The following ITGB1 variants were observed in gnomAD, a reference collection of about 807,000 sequenced individuals.
The protein encoded by ITGB1 is integrin beta-1.
Under a neutral mutation model 86.5 loss-of-function variants are expected in ITGB1, and 24 were observed. The observed-to-expected ratio is 0.28, with a 90% confidence interval of 0.20 to 0.39. The LOEUF is 0.39. Ranked by LOEUF, ITGB1 falls within the 10% of genes least tolerant of loss-of-function variation. The probability of loss-of-function intolerance (pLI) is 1.00; values close to 1 mark genes in which losing one functional copy is unlikely to be tolerated. For missense variants in ITGB1, 556 were observed against 946.9 expected (o/e 0.59, Z 5.42); for synonymous variants, 323 against 316.8 (o/e 1.02, Z -0.21).
rs532744255 is a variant in ITGB1, at chr10:32,939,577, G to A, written c.1-4019C>T. 2.5e-4 allele frequency among the ~76,000 whole-genome samples: 38 copies of A among 152,332 alleles called. 1 individual carries two copies. In the South Asian group the frequency reaches 7.5e-3, roughly 30 times the overall value. The stretch of plus-strand genomic sequence containing the variant: ...TACTGCAGGCAACTGGAATGCTGCA[G>A]TAAGCATGTGTGTATCTACGCACAG... On this transcript the variant is annotated intron_variant, in intron 1 of 15. Transcript: ENST00000302278.
intron 1 of ITGB1, among the ~76,000 whole-genome samples, chr10:32,957,479 G>C (rs976753486): frequency 6.6e-6 from 1 of 152,132 alleles, no homozygotes; most frequent in East Asian, 1.9e-4. Flanking sequence ...TTATAAACAC[G>C]GGGAAGTGGA....
intron 14 of ITGB1, 25 bp from the exon 15 acceptor site, chr10:32,908,559 A>C (rs1565818648): frequency 6.2e-7 from 1 of 1,603,742 alleles, no homozygotes; most frequent in Admixed American, 1.7e-5. Flanking sequence ...GGTAATAATG[A>C]GCACCACAAA....
At chr10:32,904,531 A>G (rs1324195130) in intron 15 of ITGB1, among the ~76,000 whole-genome samples, 2 of 152,232 alleles carry the variant, frequency 1.3e-5, no homozygotes, top group Non-Finnish European at 2.9e-5. Flanking sequence ...TGATAATGTG[A>G]CATGTTCTTC....
intron 9 of ITGB1, 47 bp from the exon 10 acceptor site, chr10:32,920,432 A>G: frequency 1.3e-6 from 2 of 1,561,060 alleles, no homozygotes; most frequent in Non-Finnish European, 1.8e-6. Flanking sequence ...ACAAAATGCT[A>G]CTTGAATGCA....
In ITGB1 at chr10:32,930,015, A is replaced by G; in HGVS notation, c.183T>C (p.Ser61=). ...STFLQEGMPT[S]ARCDDLEALK... The stretch of plus-strand genomic sequence containing the variant: ...AGGCTTCTAAATCATCACATCGTGC[A>G]GAAGTAGGCATTCCTTCCTGTAAAA... Residue 61 remains serine, a synonymous_variant, in exon 4 of 16, where the codon TCT becomes TCC. Coordinates refer to ENST00000302278, the MANE Select transcript of ITGB1 (RefSeq NM_002211.4). The G allele has an allele frequency of 1.1e-6, 1 of 919,484 alleles. No individual in the cohort carries two copies. Among genetic ancestry groups the G allele is most frequent in the Non-Finnish European group, 1.8e-6 (1 of 544,912 alleles). The allele number at this position is 919,484 out of a possible 1,614,324, so 57.0% of individuals were successfully genotyped here.
chr10:32,927,855 C>T (rs1429248525), intron 5 of ITGB1, among the ~76,000 whole-genome samples: 1 of 151,984 alleles, frequency 6.6e-6, no homozygotes, highest in Non-Finnish European at 1.5e-5. Context: ...GCATGCAAGT[C>T]ATTATCTATG....
At chr10:32,929,747 G>A in intron 4 of ITGB1, 75 bp downstream of exon 4, 1 of 848,540 alleles carries the variant, frequency 1.2e-6, no homozygotes, top group Non-Finnish European at 2.0e-6. Flanking sequence ...ACAGAAACTG[G>A]TCAGAGTTTG....
chr10:32,914,469 G>C (rs1277528734), intron 11 of ITGB1, among the ~76,000 whole-genome samples: 1 of 152,078 alleles, frequency 6.6e-6, no homozygotes. Context: ...GATGAAGGAA[G>C]ATCTACCAAG....
intron 1 of ITGB1, among the ~76,000 whole-genome samples, chr10:32,941,444 T>C (rs889232179): frequency 2.0e-5 from 3 of 152,208 alleles, no homozygotes; most frequent in African/African-American, 4.8e-5. Context: ...AAAAGGAATC[T>C]TGAAGTATTT....
intron 5 of ITGB1, among the ~76,000 whole-genome samples, chr10:32,926,417 G>T (rs1443693543): frequency 6.6e-6 from 1 of 152,194 alleles, no homozygotes; most frequent in African/African-American, 2.4e-5. Context: ...AATGTTGAAG[G>T]TACGGCCTGG....
chr10:32,922,818 G>T, intron 7 of ITGB1, 83 bp from the exon 8 acceptor site: 2 of 714,160 alleles, frequency 2.8e-6, no homozygotes, highest in Non-Finnish European at 4.6e-6. Context: ...ATACATGCAA[G>T]ATTACACATA....
At chr10:32,921,265 A>G (rs1265886257) in intron 9 of ITGB1, among the ~76,000 whole-genome samples, 1 of 152,112 alleles carries the variant, frequency 6.6e-6, no homozygotes, top group Non-Finnish European at 1.5e-5. Flanking sequence ...GTACAATGGC[A>G]AGCTATCTCT....
intron 1 of ITGB1, among the ~76,000 whole-genome samples, chr10:32,950,102 T>C (rs1013480477): frequency 3.3e-5 from 5 of 152,180 alleles, no homozygotes; most frequent in Non-Finnish European, 7.4e-5. Flanking sequence ...ATATCATAAA[T>C]GTCTCCTAAA....
Position 32,908,559 on chromosome 10 carries a change from A to AGCACCACAAAGAGCTGT in ITGB1, c.2165-42_2165-26dup, listed in dbSNP as rs745525318. Reference sequence around the variant, plus strand: ...TCTGGAAAATAAGAAGGTAATAATGAGCACCACAAAGAGCTGTGCAGTGTC... The same window carrying AGCACCACAAAGAGCTGT: ...TCTGGAAAATAAGAAGGTAATAATGAGCACCACAAAGAGCTGTGCACCACAAAGAGCTGTGCAGTGTC... On this transcript the variant is annotated intron_variant, in intron 14 of 15. Transcript: ENST00000302278. 3.2e-5 allele frequency: 52 copies of AGCACCACAAAGAGCTGT among 1,603,624 alleles called. No individual in the cohort carries two copies. The African/African-American group carries it at 4.4e-4, about 14-fold the overall frequency.
intron 1 of ITGB1, among the ~76,000 whole-genome samples, chr10:32,943,783 AAG>A (rs2095024728): frequency 6.6e-6 from 1 of 152,206 alleles, no homozygotes; most frequent in Non-Finnish European, 1.5e-5. Context: ...ACCCCAGGAA[AAG>A]AGAGAGACAC....
At chr10:32,939,743 A>C (rs1175982159) in intron 1 of ITGB1, among the ~76,000 whole-genome samples, 1 of 130,912 alleles carries the variant, frequency 7.6e-6, no homozygotes, top group Non-Finnish European at 1.7e-5. Context: ...TGAGTGAGTG[A>C]GTGAGTGAGT....
chr10:32,920,477 T>C, intron 9 of ITGB1, 92 bp from the exon 10 acceptor site: 3 of 1,161,634 alleles, frequency 2.6e-6, no homozygotes, highest in Admixed American at 4.5e-5. Context: ...GAAAAAAATA[T>C]ATTTCAATAA....
At chr10:32,906,984 A>G in intron 15 of ITGB1, 2 of 630,178 alleles carry the variant, frequency 3.2e-6, no homozygotes, top group Non-Finnish European at 5.3e-6. Context: ...AAGAACAGCA[A>G]TAGTGATAAA....
chr10:32,937,581 G>C (rs1443513852), intron 1 of ITGB1, among the ~76,000 whole-genome samples: 1 of 137,630 alleles, frequency 7.3e-6, no homozygotes, highest in East Asian at 2.1e-4. Flanking sequence ...AAAAAAAAGA[G>C]TTACAAAATA....
Sources: allele counts gnomAD v4.1 joint callset (sites outside exome capture counted in the v4.1 genomes callset), GRCh38; gene constraint gnomAD v4.1.1; transcripts MANE v1.5; gene names NCBI Gene and HGNC (gene_info 2026-07-23, HGNC 2026-07-21).